Variants in KIRREL3 observed in about 807,000 individuals in gnomAD.
KIRREL3 encodes the protein kirre like nephrin family adhesion molecule 3, also known as kin of IRRE-like protein 3.
Under a neutral mutation model 89.7 loss-of-function variants are expected in KIRREL3, and 36 were observed. That is an observed-to-expected ratio of 0.40 (90% CI 0.31 to 0.53). The LOEUF is 0.53. KIRREL3 is among the 20% of genes least tolerant of loss of function. The pLI is 0.49. For missense variants in KIRREL3, 864 were observed against 1,056.6 expected (o/e 0.82, Z 2.53); for synonymous variants, 445 against 441.4 (o/e 1.01, Z -0.10).
Position 126,764,789 on chromosome 11 carries a change from C to T in KIRREL3, c.56-201877G>A, listed in dbSNP as rs888766570. 1.3e-5 allele frequency among the ~76,000 whole-genome samples: 2 copies of T among 152,138 alleles called. No individual in the cohort carries two copies. The highest frequency in any genetic ancestry group is 2.9e-5 in the Non-Finnish European group (2 of 68,026). ...GTAAGCCTCCGGGGCCATATAAACG[C>T]GGCTATTTTCACAGTCCAACTTCAG... On this transcript the variant is annotated intron_variant, in intron 1 of 16. Coordinates refer to ENST00000525144, the MANE Select transcript of KIRREL3 (RefSeq NM_032531.4). This position sits in a 1 kb window ranked among gnomAD's most constrained non-coding sequence, Gnocchi z 4.2.
chr11:126,516,281 A>G lies in KIRREL3; in HGVS notation c.433+5034T>C, dbSNP rs183216281. On this transcript the variant is annotated intron_variant, in intron 4 of 16. Coordinates refer to ENST00000525144, the MANE Select transcript of KIRREL3 (RefSeq NM_032531.4). This position sits in a 1 kb window ranked among gnomAD's most constrained non-coding sequence, Gnocchi z 4.9. ...GCCACAAGACAGCAGAGTTAATATT[A>G]GAACGGGCCAGGAAGAAGAGGGAAA... 6.6e-6 allele frequency among the ~76,000 whole-genome samples: 1 copy of G among 152,186 alleles called. No individual in the cohort carries two copies. The highest frequency in any genetic ancestry group is 1.5e-5 in the Non-Finnish European group (1 of 68,028).
chr11:126,831,897 G>A (rs1943622190), intron 1 of KIRREL3, among the ~76,000 whole-genome samples: 1 of 152,294 alleles, frequency 6.6e-6, no homozygotes, highest in East Asian at 1.9e-4. Flanking sequence ...CTCATTATTT[G>A]TAAAACATTG....
At position 126,541,714 on chromosome 11, in the gene KIRREL3, G is replaced by A. The variant is rs148354219; in HGVS notation, c.134-15027C>T. Among the ~76,000 whole-genome samples the A allele has an allele frequency of 4.5e-4, 69 of 152,250 alleles. No individual in the cohort carries two copies. The highest frequency in any genetic ancestry group is 1.6e-3 in the African/African-American group (65 of 41,558). ...TTAATAGCTTCTGGGTCATCCTTCT[G>A]CAGGCGGTTTCTGGGCCACATCCTA... On this transcript the variant is annotated intron_variant, in intron 2 of 16. Transcript: ENST00000525144. The surrounding 1 kb of genome is among the most constrained non-coding windows in gnomAD (Gnocchi z 4.8).
At chr11:126,947,691 T>C (rs564654061) in intron 1 of KIRREL3, among the ~76,000 whole-genome samples, 1 of 152,340 alleles carries the variant, frequency 6.6e-6, no homozygotes, top group South Asian at 2.1e-4. Flanking sequence ...TGGGATGGGA[T>C]AGCTGTTGCA....
intron 1 of KIRREL3, among the ~76,000 whole-genome samples, chr11:126,938,495 A>C (rs1232076611): frequency 6.6e-6 from 1 of 152,254 alleles, no homozygotes; most frequent in African/African-American, 2.4e-5. Flanking sequence ...CCACCATTCT[A>C]AACTGGCATG....
In KIRREL3 at chr11:126,448,990, C is replaced by A. The variant is rs762960853; in HGVS notation, c.997+19G>T. Reference sequence around the variant, plus strand: ...GTGGATGCCTGCTCGCCTGGGGAAGCCTGCACCACTGCACTCACAGTAGAC... The same window carrying A: ...GTGGATGCCTGCTCGCCTGGGGAAGACTGCACCACTGCACTCACAGTAGAC... On this transcript the variant is annotated intron_variant, in intron 8 of 16. Transcript: ENST00000525144. 7 of 1,587,744 alleles carry A rather than the reference C, an allele frequency of 4.4e-6. No individual in the cohort carries two copies. Among genetic ancestry groups the A allele is most frequent in the Non-Finnish European group, 6.0e-6 (7 of 1,160,794 alleles).
intron 2 of KIRREL3, among the ~76,000 whole-genome samples, chr11:126,556,830 C>T (rs1228059996): frequency 1.3e-5 from 2 of 152,124 alleles, no homozygotes; most frequent in Admixed American, 6.5e-5. Context: ...AAATAAATAA[C>T]AATCATAAAG....
chr11:126,847,875 A>G (rs2213134), intron 1 of KIRREL3, among the ~76,000 whole-genome samples: 129,146 of 152,166 alleles, frequency 0.85, 55,009 homozygotes, highest in East Asian at 1. Context: ...ATAGTTATTT[A>G]CATAAGTGTA....
intron 1 of KIRREL3, among the ~76,000 whole-genome samples, chr11:126,711,009 AAGG>A (rs1947734036): frequency 6.6e-6 from 1 of 152,184 alleles, no homozygotes; most frequent in African/African-American, 2.4e-5. Flanking sequence ...TCCTTGGGGC[AAGG>A]AGAACTAAGT....
rs1483892082 is a variant in KIRREL3, at chr11:126,553,840, A to AT, written c.133+8994dup. Among the ~76,000 whole-genome samples the AT allele has an allele frequency of 4.6e-5, 7 of 151,984 alleles. No homozygotes were observed. Among genetic ancestry groups the AT allele is most frequent in the African/African-American group, 7.3e-5 (3 of 41,356 alleles). On this transcript the variant is annotated intron_variant, in intron 2 of 16. Transcript: ENST00000525144. This position sits in a 1 kb window ranked among gnomAD's most constrained non-coding sequence, Gnocchi z 4.7. ...AACACAGAGGCCTCTACCATTGTTC[A>AT]TTTTTTTCCATCACTATTAGGAAAA...
At chr11:126,832,653 T>A (rs1392752471) in intron 1 of KIRREL3, among the ~76,000 whole-genome samples, 1 of 152,204 alleles carries the variant, frequency 6.6e-6, no homozygotes, top group Non-Finnish European at 1.5e-5. Flanking sequence ...TGAAGGGTCT[T>A]CTTTGGAAGG....
At position 126,773,938 on chromosome 11, in the gene KIRREL3, T is replaced by G. The variant is rs1950094615; in HGVS notation, c.56-211026A>C. Reference sequence around the variant, plus strand: ...TGCACTTGTCCACTCTTAACTCTTTTTTACTATTGAATATCTTATCAAATA... The same window carrying G: ...TGCACTTGTCCACTCTTAACTCTTTGTTACTATTGAATATCTTATCAAATA... On this transcript the variant is annotated intron_variant, in intron 1 of 16. Coordinates refer to ENST00000525144, the MANE Select transcript of KIRREL3 (RefSeq NM_032531.4). The surrounding 1 kb of genome is among the most constrained non-coding windows in gnomAD (Gnocchi z 4.2). Among the ~76,000 whole-genome samples the G allele has an allele frequency of 6.6e-6, 1 of 152,150 alleles. No individual in the cohort carries two copies. The highest frequency in any genetic ancestry group is 2.1e-4 in the South Asian group (1 of 4,828).
chr11:126,469,270 G>A (rs1181929844), intron 5 of KIRREL3, among the ~76,000 whole-genome samples: 2 of 152,266 alleles, frequency 1.3e-5, no homozygotes, highest in African/African-American at 2.4e-5. Context: ...CCCGACAGCA[G>A]CCAGGGCTGC....
chr11:126,571,361 C>G lies in KIRREL3; in HGVS notation c.56-8449G>C, dbSNP rs1328181415. Among the ~76,000 whole-genome samples the G allele has an allele frequency of 6.6e-6, 1 of 152,166 alleles. No homozygotes were observed. The highest frequency in any genetic ancestry group is 1.5e-5 in the Non-Finnish European group (1 of 68,034). On this transcript the variant is annotated intron_variant, in intron 1 of 16. Coordinates refer to ENST00000525144, the MANE Select transcript of KIRREL3 (RefSeq NM_032531.4). The surrounding 1 kb of genome is among the most constrained non-coding windows in gnomAD (Gnocchi z 7.7). ...TGGGACCCAAGGTTGGCAGAGCTCA[C>G]CCCACTCCTCTGTACACTGAAAGTG...
Position 126,513,444 on chromosome 11 carries a change from C to T in KIRREL3, c.433+7871G>A, listed in dbSNP as rs1450279795. 4.6e-5 allele frequency among the ~76,000 whole-genome samples: 7 copies of T among 152,126 alleles called. No individual in the cohort carries two copies. The highest frequency in any genetic ancestry group is 7.3e-5 in the Non-Finnish European group (5 of 68,030). Reference sequence around the variant, plus strand: ...AGGTCTTCTCCTTCTTGGAGAGGCTCCTGCCTGCCCTTCTCCACACTCAGG... The same window carrying T: ...AGGTCTTCTCCTTCTTGGAGAGGCTTCTGCCTGCCCTTCTCCACACTCAGG... On this transcript the variant is annotated intron_variant, in intron 4 of 16. Transcript: ENST00000525144. This position sits in a 1 kb window ranked among gnomAD's most constrained non-coding sequence, Gnocchi z 5.9.
At chr11:126,941,293 CT>C (rs11315647) in intron 1 of KIRREL3, among the ~76,000 whole-genome samples, 21,143 of 152,154 alleles carry the variant, frequency 0.14, 1,894 homozygotes, top group South Asian at 0.32. Context: ...TTTTATTTAA[CT>C]GGCCAAAATT....
chr11:126,567,330 C>A (rs1305631727), intron 1 of KIRREL3, among the ~76,000 whole-genome samples: 1 of 152,160 alleles, frequency 6.6e-6, no homozygotes, highest in East Asian at 1.9e-4. Context: ...TTGAAGACAG[C>A]CATCTGCAAT....
rs1947505906 is a variant in KIRREL3, at chr11:126,705,780, G to C, written c.56-142868C>G. On this transcript the variant is annotated intron_variant, in intron 1 of 16. Transcript: ENST00000525144. The surrounding 1 kb of genome is among the most constrained non-coding windows in gnomAD (Gnocchi z 4.3). ...CCACTCCTCCCAGAAAGAGGTGGAG[G>C]CTACCTCTCCTATTTTAGAACTGCC... Among the ~76,000 whole-genome samples the C allele has an allele frequency of 6.6e-6, 1 of 152,192 alleles. No individual in the cohort carries two copies. Among genetic ancestry groups the C allele is most frequent in the Admixed American group, 6.5e-5 (1 of 15,276 alleles).
In KIRREL3 at chr11:126,748,530, G is replaced by T. The variant is rs1204193797; in HGVS notation, c.56-185618C>A. On this transcript the variant is annotated intron_variant, in intron 1 of 16. Transcript: ENST00000525144. This position sits in a 1 kb window ranked among gnomAD's most constrained non-coding sequence, Gnocchi z 4.6. ...CTCTGTGGAGGCGAGGCCTGGCTCC[G>T]TTCAAGTGCTTAGGCAGGGACCATT... 6.6e-6 allele frequency among the ~76,000 whole-genome samples: 1 copy of T among 152,162 alleles called. No individual in the cohort carries two copies. The highest frequency in any genetic ancestry group is 1.5e-5 in the Non-Finnish European group (1 of 68,038).
Sources: gnomAD v4.1 joint callset for allele counts (sites outside exome capture counted in the v4.1 genomes callset) on GRCh38, gnomAD v4.1.1 for gene constraint, Gnocchi (gnomAD v3.1) non-coding constraint, MANE v1.5 for transcripts, NCBI Gene and HGNC (gene_info 2026-07-23, HGNC 2026-07-21) for gene names.